Variants in AHCYL2 observed in about 807,000 individuals in gnomAD.
The protein encoded by AHCYL2 is S-adenosylhomocysteine hydrolase-like protein 2.
In AHCYL2, 28 loss-of-function variants were observed where a neutral mutation model predicts 81.4. The observed-to-expected ratio is 0.34, with a 90% CI of 0.25 to 0.47. The LOEUF (loss-of-function observed/expected upper bound fraction) is 0.47, where lower values mean the gene tolerates loss of function less well. AHCYL2 is among the 20% of genes least tolerant of loss of function. The pLI is 1.00. For missense variants in AHCYL2, 551 were observed against 785.1 expected (o/e 0.70, Z 3.56); for synonymous variants, 272 against 290.2 (o/e 0.94, Z 0.64).
intron 1 of AHCYL2, among the ~76,000 whole-genome samples, chr7:129,284,595 G>A (rs1488574496): frequency 7.9e-6 from 1 of 126,334 alleles, no homozygotes; most frequent in Non-Finnish European, 1.6e-5. Flanking sequence ...TTGAGACTTC[G>A]TCTCAAAAAA....
intron 1 of AHCYL2, among the ~76,000 whole-genome samples, chr7:129,280,251 C>G (rs569357653): frequency 2.1e-5 from 3 of 142,182 alleles, no homozygotes; most frequent in Non-Finnish European, 4.5e-5. Context: ...CTCACTGCAA[C>G]CTCTGCCTCC....
intron 1 of AHCYL2, among the ~76,000 whole-genome samples, chr7:129,374,620 A>G (rs932817322): frequency 6.6e-6 from 1 of 152,042 alleles, no homozygotes; most frequent in Non-Finnish European, 1.5e-5. Flanking sequence ...CCAGCTGACC[A>G]AAATGGTGAA....
chr7:129,329,421 A>G (rs1229548839), intron 1 of AHCYL2, among the ~76,000 whole-genome samples: 1 of 152,078 alleles, frequency 6.6e-6, no homozygotes, highest in Non-Finnish European at 1.5e-5. Context: ...GAGCTCAGGC[A>G]GTCCTCTACC....
At chr7:129,240,164 G>A (rs921820518) in intron 1 of AHCYL2, among the ~76,000 whole-genome samples, 1 of 151,818 alleles carries the variant, frequency 6.6e-6, no homozygotes, top group African/African-American at 2.4e-5. Flanking sequence ...GCGGTGAGCC[G>A]AGATCGCGCC....
At chr7:129,403,860 C>CAAAAAAAAAAA (rs34806455) in intron 7 of AHCYL2, among the ~76,000 whole-genome samples, 19 of 80,210 alleles carry the variant, frequency 2.4e-4, no homozygotes, top group Non-Finnish European at 3.7e-4. Flanking sequence ...GACTCCATCT[C>CAAAAAAAAAAA]AAAAAAAAAA....
chr7:129,348,807 T>A (rs1793451276), intron 1 of AHCYL2, among the ~76,000 whole-genome samples: 1 of 152,218 alleles, frequency 6.6e-6, no homozygotes, highest in Non-Finnish European at 1.5e-5. Flanking sequence ...AATGGATCAA[T>A]GAACCTTTGA....
intron 1 of AHCYL2, among the ~76,000 whole-genome samples, chr7:129,259,447 C>T (rs1396970059): frequency 1.3e-5 from 2 of 152,056 alleles, no homozygotes; most frequent in African/African-American, 4.8e-5. Context: ...TTAATGTAGG[C>T]TTACTCTTTG....
At chr7:129,413,144 CTT>C (rs35091143) in intron 11 of AHCYL2, among the ~76,000 whole-genome samples, 11 of 135,840 alleles carry the variant, frequency 8.1e-5, no homozygotes, top group Non-Finnish European at 9.5e-5. Flanking sequence ...GCCTGGCCTG[CTT>C]TTTTTTTTTT....
At chr7:129,425,594 G>A (rs1157239308) in intron 15 of AHCYL2, among the ~76,000 whole-genome samples, 3 of 152,220 alleles carry the variant, frequency 2.0e-5, no homozygotes, top group Non-Finnish European at 4.4e-5. Context: ...GGCCAAAGGA[G>A]AGATGTGGAA....
chr7:129,283,725 T>C (rs1211359168), intron 1 of AHCYL2, among the ~76,000 whole-genome samples: 1 of 152,194 alleles, frequency 6.6e-6, no homozygotes, highest in Non-Finnish European at 1.5e-5. Flanking sequence ...ACTCAAACAA[T>C]ATAGTACTTT....
chr7:129,323,958 C>T (rs954159747), intron 1 of AHCYL2, among the ~76,000 whole-genome samples: 1 of 151,226 alleles, frequency 6.6e-6, no homozygotes, highest in Non-Finnish European at 1.5e-5. Flanking sequence ...GCAACCTCTG[C>T]CTCCCAGGTT....
At chr7:129,307,100 C>G (rs1229971380) in intron 1 of AHCYL2, among the ~76,000 whole-genome samples, 3 of 152,146 alleles carry the variant, frequency 2.0e-5, no homozygotes, top group Non-Finnish European at 4.4e-5. Context: ...TGACCACTAC[C>G]TGGCTGCTGC....
intron 1 of AHCYL2, among the ~76,000 whole-genome samples, chr7:129,331,101 CTA>C (rs1798402078): frequency 6.6e-6 from 1 of 152,246 alleles, no homozygotes; most frequent in African/African-American, 2.4e-5. Flanking sequence ...GATGGGTTTT[CTA>C]TTAGAATCCT....
At chr7:129,229,229 G>A (rs1467710675) in intron 1 of AHCYL2, among the ~76,000 whole-genome samples, 1 of 152,084 alleles carries the variant, frequency 6.6e-6, no homozygotes, top group African/African-American at 2.4e-5. Context: ...CACCATGCCC[G>A]GCTAATTTTC....
intron 1 of AHCYL2, among the ~76,000 whole-genome samples, chr7:129,330,615 C>T (rs934617703): frequency 6.6e-5 from 10 of 152,042 alleles, no homozygotes; most frequent in African/African-American, 1.9e-4. Flanking sequence ...GGACTACAGG[C>T]GCCCACCACC....
intron 1 of AHCYL2, among the ~76,000 whole-genome samples, chr7:129,237,340 A>AT (rs1175970608): frequency 2.6e-5 from 4 of 152,158 alleles, no homozygotes; most frequent in African/African-American, 9.7e-5. Flanking sequence ...AATAAAATAT[A>AT]TTTTACCTTT....
chr7:129,365,591 AG>A (rs1305851990), intron 1 of AHCYL2, among the ~76,000 whole-genome samples: 1 of 144,468 alleles, frequency 6.9e-6, no homozygotes, highest in Admixed American at 7.1e-5. Context: ...TTTACATTCA[AG>A]AAGTAGCAGA....
chr7:129,323,608 TC>T (rs148932357), intron 1 of AHCYL2, among the ~76,000 whole-genome samples: 7,713 of 152,274 alleles, frequency 0.051, 614 homozygotes, highest in African/African-American at 0.18. Context: ...TCTGTATCTT[TC>T]CTGCTTTTTC....
rs560905169 is a variant in AHCYL2 at position 129,298,956 on chromosome 7, G to GT, written c.363+73523dup. 1.1e-3 allele frequency among the ~76,000 whole-genome samples: 160 copies of GT among 152,130 alleles called. 1 individual carries two copies. The highest frequency in any genetic ancestry group is 3.7e-3 in the South Asian group (18 of 4,820). On this transcript the variant is annotated intron_variant, in intron 1 of 16. Coordinates refer to ENST00000325006, the MANE Select transcript of AHCYL2 (RefSeq NM_015328.4). ...GTGTTTTAGGCTTTGCAGGCTATATGTTTTTTGTTGTAACTACTCAAACCT... is the reference window on the plus strand; with the variant it reads ...GTGTTTTAGGCTTTGCAGGCTATATGTTTTTTTGTTGTAACTACTCAAACCT...
Sources: allele counts gnomAD v4.1 joint callset (sites outside exome capture counted in the v4.1 genomes callset), GRCh38; gene constraint gnomAD v4.1.1; transcripts MANE v1.5; gene names NCBI Gene and HGNC (gene_info 2026-07-23, HGNC 2026-07-21).